The following DLGAP1 variants were observed in gnomAD, a reference collection of about 807,000 sequenced individuals.
The protein encoded by DLGAP1 is disks large-associated protein 1.
DLGAP1 carries 11 observed loss-of-function variants against 90.8 expected under a neutral mutation model. The ratio of observed to expected loss-of-function variants is 0.12; its 90% CI spans 0.08 to 0.20. The LOEUF is 0.20. DLGAP1 is among the 10% of genes least tolerant of loss of function. The pLI, the probability that DLGAP1 is intolerant of heterozygous loss-of-function variation, is 1.00. For synonymous variants in DLGAP1, 558 were observed against 540.7 expected, an observed-to-expected ratio of 1.03 and a Z score of -0.44; for missense variants, 1,050 against 1,333.8, an observed-to-expected ratio of 0.79 and a Z score of 3.31.
intron 2 of DLGAP1, among the ~76,000 whole-genome samples, chr18:4,031,864 C>T (rs774800133): frequency 6.6e-6 from 1 of 152,106 alleles, no homozygotes; most frequent in Non-Finnish European, 1.5e-5. Context: ...GACAGAGCAA[C>T]TTTGAAAAAT....
chr18:4,212,011 T>C (rs2077851719), intron 1 of DLGAP1, among the ~76,000 whole-genome samples: 1 of 152,218 alleles, frequency 6.6e-6, no homozygotes. Context: ...GTATGCGTTT[T>C]TGAAAATGTA....
intron 8 of DLGAP1, among the ~76,000 whole-genome samples, chr18:3,578,179 A>G (rs1265032241): frequency 6.6e-6 from 1 of 152,188 alleles, no homozygotes; most frequent in African/African-American, 2.4e-5. Context: ...TAAAGTAAGT[A>G]GTTGTAGTAT....
intron 7 of DLGAP1, among the ~76,000 whole-genome samples, chr18:3,588,779 CAAAAAA>C (rs11449545): frequency 7.4e-6 from 1 of 135,062 alleles, no homozygotes; most frequent in African/African-American, 2.8e-5. Context: ...GACTCCATCT[CAAAAAA>C]AAAAAAAAGA....
intron 4 of DLGAP1, among the ~76,000 whole-genome samples, chr18:3,869,967 CT>C (rs1234046244): frequency 6.6e-6 from 1 of 152,158 alleles, no homozygotes; most frequent in African/African-American, 2.4e-5. Context: ...AATAGAAGTG[CT>C]AAGTAGAGCC....
chr18:4,163,402 C>T (rs1165714752), intron 1 of DLGAP1, among the ~76,000 whole-genome samples: 1 of 152,170 alleles, frequency 6.6e-6, no homozygotes, highest in East Asian at 1.9e-4. Flanking sequence ...CTTTACAGTG[C>T]CTTAGACGGC....
At chr18:4,151,466 G>A (rs2076673522) in intron 1 of DLGAP1, among the ~76,000 whole-genome samples, 179 bp from the exon 2 acceptor site, 1 of 152,010 alleles carries the variant, frequency 6.6e-6, no homozygotes, top group Non-Finnish European at 1.5e-5. Context: ...GTATTTTTAT[G>A]CTTTTCAGAA....
intron 4 of DLGAP1, among the ~76,000 whole-genome samples, chr18:3,868,234 G>A (rs1008790393): frequency 2.6e-5 from 4 of 152,242 alleles, no homozygotes; most frequent in African/African-American, 7.2e-5. Flanking sequence ...TTTTGCAGGG[G>A]AGTCATTTTC....
chr18:3,656,113 C>T (rs1290592605), intron 7 of DLGAP1: 1 of 1,545,536 alleles, frequency 6.5e-7, no homozygotes, highest in Non-Finnish European at 8.7e-7. Flanking sequence ...TTTTATGACA[C>T]CTTGAATAAA....
intron 3 of DLGAP1, among the ~76,000 whole-genome samples, chr18:3,984,947 C>A (rs1037371797): frequency 6.6e-6 from 1 of 152,156 alleles, no homozygotes; most frequent in Non-Finnish European, 1.5e-5. Flanking sequence ...CCCATCCCAA[C>A]CATGCCTTGT....
chr18:3,802,160 T>G (rs2066331504), intron 5 of DLGAP1, among the ~76,000 whole-genome samples: 1 of 152,170 alleles, frequency 6.6e-6, no homozygotes, highest in Admixed American at 6.5e-5. Context: ...AATTTTTGTA[T>G]TTTTAGTAGA....
chr18:3,605,436 CTT>C (rs1257624482), intron 7 of DLGAP1, among the ~76,000 whole-genome samples: 2 of 152,318 alleles, frequency 1.3e-5, no homozygotes, highest in African/African-American at 4.8e-5. Context: ...GTAAATATTT[CTT>C]GGTGCATCAA....
chr18:3,555,577 G>A (rs1462735645), intron 9 of DLGAP1, among the ~76,000 whole-genome samples: 1 of 152,160 alleles, frequency 6.6e-6, no homozygotes, highest in African/African-American at 2.4e-5. Flanking sequence ...TTGGGAGGCC[G>A]AGGCGGGCGG....
chr18:3,913,145 C>T (rs576524801), intron 3 of DLGAP1, among the ~76,000 whole-genome samples: 2 of 152,274 alleles, frequency 1.3e-5, no homozygotes, highest in Admixed American at 6.5e-5. Flanking sequence ...GGGTCTCACT[C>T]TGTTACCCAG....
intron 2 of DLGAP1, among the ~76,000 whole-genome samples, chr18:4,125,979 C>T (rs148638041): frequency 1.3e-5 from 2 of 152,268 alleles, no homozygotes; most frequent in East Asian, 3.9e-4. Context: ...GTGGGTGAGA[C>T]TTGATGAGCA....
intron 5 of DLGAP1, among the ~76,000 whole-genome samples, chr18:3,757,496 C>A (rs1257073827): frequency 6.6e-6 from 1 of 152,094 alleles, no homozygotes; most frequent in South Asian, 2.1e-4. Context: ...AAATTCCCAA[C>A]AAAACAATAG....
chr18:3,607,204 T>C (rs968947129), intron 7 of DLGAP1: 9 of 152,282 alleles, frequency 5.9e-5, no homozygotes, highest in African/African-American at 1.9e-4. Flanking sequence ...TTTATTTTTC[T>C]TTTAATTCCT....
At chr18:3,972,283 T>G (rs556076394) in intron 3 of DLGAP1, among the ~76,000 whole-genome samples, 174 of 152,140 alleles carry the variant, frequency 1.1e-3, no homozygotes, top group Non-Finnish European at 2.2e-3. Flanking sequence ...AGGCCAAGGT[T>G]GGAGGATCAC....
intron 3 of DLGAP1, among the ~76,000 whole-genome samples, chr18:3,915,040 G>C (rs2072113410): frequency 6.6e-6 from 1 of 152,158 alleles, no homozygotes; most frequent in African/African-American, 2.4e-5. Flanking sequence ...ACCACATTCA[G>C]CTGTTAATAG....
intron 3 of DLGAP1, among the ~76,000 whole-genome samples, chr18:3,973,290 C>CAAAA (rs3031700): frequency 6.4e-4 from 86 of 134,870 alleles, no homozygotes; most frequent in Middle Eastern, 8.0e-3. Flanking sequence ...TAGCCATAGC[C>CAAAA]AAAAAAAAAA....
Sources: allele counts gnomAD v4.1 joint callset (sites outside exome capture counted in the v4.1 genomes callset), GRCh38; gene constraint gnomAD v4.1.1; transcripts MANE v1.5; gene names NCBI Gene and HGNC (gene_info 2026-07-23, HGNC 2026-07-21).